Variants in CIZ1 observed in about 807,000 individuals in gnomAD.
CIZ1 encodes CDKN1A interacting zinc finger protein 1.
A neutral mutation model predicts 118.6 loss-of-function variants in CIZ1; 58 were observed. The ratio of observed to expected loss-of-function variants is 0.49; its 90% CI spans 0.40 to 0.61. The LOEUF (loss-of-function observed/expected upper bound fraction) is 0.61. Ranked by LOEUF, CIZ1 falls within the 20% of genes least tolerant of loss-of-function variation. The pLI, the probability that CIZ1 is intolerant of heterozygous loss-of-function variation, is 0.00. For missense variants in CIZ1, 921 were observed against 1,115.9 expected, an observed-to-expected ratio of 0.83 and a Z score of 2.49; for synonymous variants, 448 against 443.4, an observed-to-expected ratio of 1.01 and a Z score of -0.13.
rs1459441151 is a variant in CIZ1 at position 128,179,103 on chromosome 9, C to A, written c.1104G>T (p.Glu368Asp). Residue 368 changes from glutamate (E) to aspartate (D), a missense_variant, in exon 8 of 17, where the codon GAG becomes GAT. Transcript: ENST00000372938. ...GCTGCACCTGCTTCTGTGGCTCTGC[C>A]TCCTGCTGCAGCTGTGGCTGCACCT... ...QKQVQPQLQQ[E>D]AEPQKQVQPQ... The A allele has an allele frequency of 1.2e-6, 2 of 1,614,004 alleles. No homozygotes were observed. The highest frequency in any genetic ancestry group is 2.2e-5 in the South Asian group (2 of 91,082).
In CIZ1 at chr9:128,203,751, GCC is replaced by G; in HGVS notation, c.-6+433_-6+434del. 1 of 930,526 alleles carries G rather than the reference GCC, an allele frequency of 1.1e-6. No individual in the cohort carries two copies. Among genetic ancestry groups the G allele is most frequent in the Non-Finnish European group, 1.4e-6 (1 of 726,296 alleles). 57.6% of individuals were successfully genotyped at this position (930,526 alleles called of 1,614,324 possible). ...CCGACGCTGCACCCGCGGCCGGCGC[GCC>G]CCCCACCCCCAGCCGGAGCGAGGAG... is the stretch of plus-strand genomic sequence containing the variant. On this transcript the variant is annotated intron_variant, in intron 1 of 17. Coordinates refer to the CIZ1 transcript ENST00000372948. The surrounding 1 kb of genome is among the most constrained non-coding windows in gnomAD (Gnocchi z 5.3).
chr9:128,172,563 G>A lies in CIZ1; in HGVS notation c.1944-2456C>T, dbSNP rs566308612. On this transcript the variant is annotated intron_variant, in intron 11 of 16. Coordinates refer to ENST00000372938, the MANE Select transcript of CIZ1 (RefSeq NM_001131016.2). ...CTCTATAAAATATGCAAATACACAA[G>A]TTTTCATAAATTTTAGGGGACACAT... 3.3e-5 allele frequency among the ~76,000 whole-genome samples: 5 copies of A among 152,250 alleles called. No homozygotes were observed. In the South Asian group the frequency reaches 1.0e-3, roughly 32 times the overall value.
At position 128,203,585 on chromosome 9, in the gene CIZ1, G is replaced by A. The variant is rs1396976779; in HGVS notation, c.-6+601C>T. 1 of 1,551,836 alleles carries A rather than the reference G, an allele frequency of 6.4e-7. No homozygotes were observed. The highest frequency in any genetic ancestry group is 8.7e-7 in the Non-Finnish European group (1 of 1,153,096). On this transcript the variant is annotated intron_variant, in intron 1 of 17. Transcript: ENST00000372948. This position sits in a 1 kb window ranked among gnomAD's most constrained non-coding sequence, Gnocchi z 5.3. ...CCTGCCGCAGATCGCTGTGGTGGGC[G>A]GCCAGAGCGCCGGCAAGAGCTCGGT...
Position 128,191,202 on chromosome 9 carries a change from C to A in CIZ1, c.-6+230G>T. ...TCTCTGCGCCCATCACTTCCTCACTCACAGCCCCTTTTCAATACCGCAACC... is the reference window on the plus strand; with the variant it reads ...TCTCTGCGCCCATCACTTCCTCACTAACAGCCCCTTTTCAATACCGCAACC... On this transcript the variant is annotated intron_variant, in intron 1 of 16. Coordinates refer to ENST00000372938, the MANE Select transcript of CIZ1 (RefSeq NM_001131016.2). This position sits in a 1 kb window ranked among gnomAD's most constrained non-coding sequence, Gnocchi z 5.5. 1 of 379,678 alleles carries A rather than the reference C, an allele frequency of 2.6e-6. No homozygotes were observed. Among genetic ancestry groups the A allele is most frequent in the Non-Finnish European group, 4.8e-6 (1 of 210,320 alleles). 23.5% of individuals were successfully genotyped at this position (379,678 alleles called of 1,614,324 possible).
intron 5 of CIZ1, among the ~76,000 whole-genome samples, chr9:128,181,755 C>A: frequency 7.7e-6 from 1 of 129,792 alleles, no homozygotes; most frequent in African/African-American, 3.3e-5. Flanking sequence ...CTTAGCAGAC[C>A]AGGAAAGGCG....
chr9:128,190,270 T>C, intron 3 of CIZ1, 59 bp downstream of exon 3: 1 of 1,204,488 alleles, frequency 8.3e-7, no homozygotes, highest in Non-Finnish European at 1.2e-6. Flanking sequence ...TTTAGAGCAA[T>C]GCGCTGCTAG....
chr9:128,190,727 T>TGCTGGAGCAGCTGCTGGA lies in CIZ1; in HGVS notation c.113_130dup (p.Leu38_Gln43dup), dbSNP rs1165114371. 54 of 1,550,762 alleles carry TGCTGGAGCAGCTGCTGGA rather than the reference T, an allele frequency of 3.5e-5. No homozygotes were observed. Among genetic ancestry groups the TGCTGGAGCAGCTGCTGGA allele is most frequent in the Non-Finnish European group, 4.4e-5 (51 of 1,148,700 alleles). On this transcript the variant is annotated inframe_insertion, in exon 2 of 17. Coordinates refer to ENST00000372938, the MANE Select transcript of CIZ1 (RefSeq NM_001131016.2). ...GGGCAACGGGGCCTGTGGTGGGGAC[T>TGCTGGAGCAGCTGCTGGA]GCTGGAGCAGCTGCTGGAGCTGCAG... is the stretch of plus-strand genomic sequence containing the variant.
chr9:128,198,908 G>A (rs986209130), intron 1 of CIZ1, among the ~76,000 whole-genome samples: 2 of 151,932 alleles, frequency 1.3e-5, no homozygotes, highest in African/African-American at 4.8e-5. Flanking sequence ...GAAAACCATC[G>A]ATTACCAGAG....
At position 128,169,331 on chromosome 9, in the gene CIZ1, C is replaced by G. The variant is rs538469932; in HGVS notation, c.2145+75G>C. 749 of 1,405,238 alleles carry G rather than the reference C, an allele frequency of 5.3e-4. 9 individuals carry two copies. The South Asian group carries it at 8.0e-3, about 15-fold the overall frequency. 87.0% of individuals were successfully genotyped at this position (1,405,238 alleles called of 1,614,324 possible). On this transcript the variant is annotated intron_variant, in intron 13 of 16. Coordinates refer to ENST00000372938, the MANE Select transcript of CIZ1 (RefSeq NM_001131016.2). ...GCTGTGAGTTTGGGCTGGGATAAAC[C>G]TCAACTTGCTACACAGCCTTGGCCA...
intron 10 of CIZ1, 94 bp from the exon 11 acceptor site, chr9:128,176,569 C>A: frequency 2.3e-6 from 3 of 1,277,814 alleles, no homozygotes; most frequent in Non-Finnish European, 3.2e-6. Context: ...AGCCTCATCA[C>A]TGTGCGCCCA....
At chr9:128,168,353 T>C (rs181753981) in intron 14 of CIZ1, among the ~76,000 whole-genome samples, 6 of 152,022 alleles carry the variant, frequency 3.9e-5, no homozygotes, top group Non-Finnish European at 8.8e-5. Context: ...CCGTCTCTAC[T>C]AAAAATACAA....
Position 128,203,692 on chromosome 9 carries a change from C to T in CIZ1, c.-6+494G>A, listed in dbSNP as rs552678023. 4 of 1,386,504 alleles carry T rather than the reference C, an allele frequency of 2.9e-6. No individual in the cohort carries two copies. The highest frequency in any genetic ancestry group is 3.7e-6 in the Non-Finnish European group (4 of 1,072,568). The allele number at this position is 1,386,504 out of a possible 1,614,324, so 85.9% of individuals were successfully genotyped here. A position where few individuals can be genotyped will look rare whatever the true frequency, so the allele number is the denominator to read the frequency against. The stretch of plus-strand genomic sequence containing the variant: ...CCCCCGGGATCCCTGGAGTCCCCGC[C>T]CGGGGCACTGACGGCGCGGCGACCT... On this transcript the variant is annotated intron_variant, in intron 1 of 17. Coordinates refer to the CIZ1 transcript ENST00000372948. The surrounding 1 kb of genome is among the most constrained non-coding windows in gnomAD (Gnocchi z 5.3).
Position 128,177,551 on chromosome 9 carries a change from C to CAAAAA in CIZ1, c.1818+14_1818+15insTTTTT. The CAAAAA allele has an allele frequency of 5.3e-6, 2 of 374,554 alleles. No homozygotes were observed. Among genetic ancestry groups the CAAAAA allele is most frequent in the Non-Finnish European group, 1.1e-5 (2 of 182,882 alleles). The allele number at this position is 374,554 out of a possible 1,614,324, so 23.2% of individuals were successfully genotyped here. A position where few individuals can be genotyped will look rare whatever the true frequency, so the allele number is the denominator to read the frequency against. ...AGGCCCCACCCCTCCCCACCCTTAT[C>CAAAAA]TCCTGTATCAGTACCTGCTGGCTGG... On this transcript the variant is annotated intron_variant, in intron 10 of 16. Transcript: ENST00000372938.
At position 128,180,510 on chromosome 9, in the gene CIZ1, C is replaced by A. The variant is rs45579839; in HGVS notation, c.696G>T (p.Pro232=). 1 of 1,613,960 alleles carries A rather than the reference C, an allele frequency of 6.2e-7. No individual in the cohort carries two copies. ...RMDTPEDQDL[P]PCPEDIAKEK... is the part of the protein sequence containing the mutation. Reference sequence around the variant, plus strand: ...CCTTGGCGATGTCCTCTGGGCAGGGCGGTAAATCTTGGTCTGGAATGGAGG... The same window carrying A: ...CCTTGGCGATGTCCTCTGGGCAGGGAGGTAAATCTTGGTCTGGAATGGAGG... The change falls in exon 7 of 17, where the codon CCG becomes CCT. Residue 232 remains proline, a synonymous_variant. Coordinates refer to ENST00000372938, the MANE Select transcript of CIZ1 (RefSeq NM_001131016.2).
In CIZ1 at chr9:128,166,459, T is replaced by C; in HGVS notation, c.2488-53A>G. 7.3e-7 allele frequency: 1 copy of C among 1,369,914 alleles called. No homozygotes were observed. The highest frequency in any genetic ancestry group is 1.4e-5 in the South Asian group (1 of 69,936). 84.9% of individuals were successfully genotyped at this position (1,369,914 alleles called of 1,614,324 possible). ...AGGGTCTCCTCCCTACATGGTATGC[T>C]CCTGGCCAGCAGCTACTTCCCCAGC... On this transcript the variant is annotated intron_variant, in intron 16 of 16. Transcript: ENST00000372938. The surrounding 1 kb of genome is among the most constrained non-coding windows in gnomAD (Gnocchi z 4.4).
At chr9:128,200,985 T>C (rs1295759457) in intron 1 of CIZ1, among the ~76,000 whole-genome samples, 1 of 149,928 alleles carries the variant, frequency 6.7e-6, no homozygotes, top group Non-Finnish European at 1.5e-5. Context: ...AATACAAAAA[T>C]TGGCCGGGCG....
chr9:128,185,547 C>T lies in CIZ1; in HGVS notation c.588G>A (p.Lys196=), dbSNP rs1437202287. The T allele has an allele frequency of 1.3e-6, 2 of 1,511,854 alleles. No homozygotes were observed. Among genetic ancestry groups the T allele is most frequent in the East Asian group, 2.3e-5 (1 of 43,272 alleles). 93.7% of individuals were successfully genotyped at this position (1,511,854 alleles called of 1,614,324 possible). A position where few individuals can be genotyped will look rare whatever the true frequency, so the allele number is the denominator to read the frequency against. ...RTSSSTTPNR[K]DSSSQTMPVE... ...ACTCCCATCCCCACCTACCACTCAC[C>T]TTTCGATTGGGGGTGGTAGAGGAGG... Residue 196 remains lysine, a splice_region_variant and synonymous_variant, in exon 5 of 17, where the codon AAG becomes AAA. Transcript: ENST00000372938.
In CIZ1 at chr9:128,170,019, C is replaced by G; in HGVS notation, c.2031+1G>C. 1 of 1,612,302 alleles carries G rather than the reference C, an allele frequency of 6.2e-7. No individual in the cohort carries two copies. The highest frequency in any genetic ancestry group is 8.5e-7 in the Non-Finnish European group (1 of 1,179,436). Reference sequence around the variant, plus strand: ...CCTCTGCAGCGTGCAGGCCCTCCTACCTTGTGGTCCTGTGTCCTGCGGTGT... The same window carrying G: ...CCTCTGCAGCGTGCAGGCCCTCCTAGCTTGTGGTCCTGTGTCCTGCGGTGT... On this transcript the variant is annotated splice_donor_variant, in intron 12 of 16. Coordinates refer to ENST00000372938, the MANE Select transcript of CIZ1 (RefSeq NM_001131016.2). LOFTEE classifies it high-confidence loss of function.
chr9:128,169,544 C>G (rs764064184), intron 12 of CIZ1, 25 bp from the exon 13 acceptor site: 1 of 1,611,950 alleles, frequency 6.2e-7, no homozygotes, highest in South Asian at 1.1e-5. Context: ...GCCAACCAAG[C>G]AGTGTCCCCA....
Sources: allele counts gnomAD v4.1 joint callset (sites outside exome capture counted in the v4.1 genomes callset), GRCh38; gene constraint gnomAD v4.1.1; non-coding constraint Gnocchi (gnomAD v3.1); transcripts MANE v1.5; gene names NCBI Gene and HGNC (gene_info 2026-07-23, HGNC 2026-07-21).